KCNQ5: variants seen among roughly 807,000 people sequenced by gnomAD.
The protein encoded by KCNQ5 is potassium voltage-gated channel subfamily KQT member 5.
A neutral mutation model predicts 98.2 loss-of-function variants in KCNQ5; 30 were observed. The ratio of observed to expected loss-of-function variants is 0.31; its 90% CI spans 0.23 to 0.41. The LOEUF is 0.41. Ranked by LOEUF, KCNQ5 falls within the 10% of genes least tolerant of loss-of-function variation. The probability of loss-of-function intolerance (pLI) is 1.00; values close to 1 mark genes in which losing one functional copy is unlikely to be tolerated. For synonymous variants in KCNQ5, 458 were observed against 449.4 expected, an observed-to-expected ratio of 1.02 and a Z score of -0.24; for missense variants, 835 against 1,182.5, an observed-to-expected ratio of 0.71 and a Z score of 4.31.
intron 1 of KCNQ5, among the ~76,000 whole-genome samples, chr6:72,874,591 CT>C (rs1402871586): frequency 1.3e-5 from 2 of 152,070 alleles, no homozygotes. Flanking sequence ...GCCAAAAGGC[CT>C]TTTGTCAAAT....
chr6:72,655,026 G>C lies in KCNQ5; in HGVS notation c.398+32439G>C, dbSNP rs9446728. ...CATGTTTAATAGCCAAGGTCTGTCT[G>C]TCTTTCTTTCTTTCTTTCTTTCTTT... On this transcript the variant is annotated intron_variant, in intron 1 of 13. Transcript: ENST00000370398. Among the ~76,000 whole-genome samples, 617 of 105,886 alleles carry C rather than the reference G, an allele frequency of 5.8e-3. 4 individuals carry two copies. The highest frequency in any genetic ancestry group is 0.014 in the Middle Eastern group (3 of 210). 69.5% of individuals were successfully genotyped at this position (105,886 alleles called of 152,430 possible).
chr6:72,757,637 A>G (rs1466648508), intron 1 of KCNQ5, among the ~76,000 whole-genome samples: 3 of 152,150 alleles, frequency 2.0e-5, no homozygotes, highest in Non-Finnish European at 4.4e-5. Flanking sequence ...TACTTGAAGT[A>G]TGGTTTCTAC....
intron 1 of KCNQ5, among the ~76,000 whole-genome samples, chr6:72,745,430 C>A (rs969117962): frequency 2.6e-5 from 4 of 152,204 alleles, no homozygotes; most frequent in African/African-American, 7.2e-5. Flanking sequence ...CACATCCAAT[C>A]ATTCAGGATT....
chr6:72,979,203 T>G (rs574698910), intron 1 of KCNQ5, among the ~76,000 whole-genome samples: 2 of 152,228 alleles, frequency 1.3e-5, no homozygotes, highest in African/African-American at 2.4e-5. Context: ...GTAATGGGAA[T>G]GCTGGGTGAA....
chr6:73,188,322 A>T lies in KCNQ5; in HGVS notation c.1578-2251A>T, dbSNP rs1240279337. Among the ~76,000 whole-genome samples the T allele has an allele frequency of 3.3e-5, 5 of 152,384 alleles. No homozygotes were observed. In the East Asian group the frequency reaches 7.7e-4, roughly 23 times the overall value. ...GGAATATCTTATCAAGTGCTATTGA[A>T]GACATACAAAGTACTTCACATAACA... On this transcript the variant is annotated intron_variant, in intron 11 of 13. Coordinates refer to ENST00000370398, the MANE Select transcript of KCNQ5 (RefSeq NM_019842.4).
At chr6:72,752,773 C>A (rs1771751350) in intron 1 of KCNQ5, among the ~76,000 whole-genome samples, 3 of 152,028 alleles carry the variant, frequency 2.0e-5, no homozygotes, top group Non-Finnish European at 4.4e-5. Flanking sequence ...TCCTAATAAC[C>A]TATCATATTG....
intron 1 of KCNQ5, among the ~76,000 whole-genome samples, chr6:72,998,802 A>G (rs1389418386): frequency 6.6e-6 from 1 of 151,332 alleles, no homozygotes. Context: ...ACTAACTTAC[A>G]TGGGCCATTA....
At chr6:72,637,759 A>G (rs2098925021) in intron 1 of KCNQ5, among the ~76,000 whole-genome samples, 1 of 152,214 alleles carries the variant, frequency 6.6e-6, no homozygotes, top group Admixed American at 6.5e-5. Flanking sequence ...ATTGATTGGC[A>G]ATCCAAATGA....
chr6:73,112,578 C>CTCCA (rs1775295617), intron 7 of KCNQ5, among the ~76,000 whole-genome samples: 1 of 152,168 alleles, frequency 6.6e-6, no homozygotes, highest in Admixed American at 6.5e-5. Flanking sequence ...ATCTCTCAAC[C>CTCCA]TCGTGATCCG....
At chr6:72,661,874 T>G (rs993697664) in intron 1 of KCNQ5, among the ~76,000 whole-genome samples, 2 of 152,182 alleles carry the variant, frequency 1.3e-5, no homozygotes, top group African/African-American at 4.8e-5. Context: ...AGAATAAGCT[T>G]CTTTAAATGA....
At chr6:73,116,872 T>C (rs1351121131) in intron 7 of KCNQ5, among the ~76,000 whole-genome samples, 2 of 152,216 alleles carry the variant, frequency 1.3e-5, no homozygotes, top group Non-Finnish European at 2.9e-5. Flanking sequence ...GTGTTCATTA[T>C]TCCTTTGGAT....
chr6:72,799,255 G>C (rs1774506829), intron 1 of KCNQ5, among the ~76,000 whole-genome samples: 1 of 152,090 alleles, frequency 6.6e-6, no homozygotes, highest in South Asian at 2.1e-4. Flanking sequence ...AGGAACTCTT[G>C]GTTTTGCTCT....
At chr6:73,154,179 A>G (rs938171977) in intron 10 of KCNQ5, among the ~76,000 whole-genome samples, 68 of 152,218 alleles carry the variant, frequency 4.5e-4, no homozygotes, top group Middle Eastern at 3.4e-3. Context: ...GATGCATCAA[A>G]ATTGTTATTA....
intron 1 of KCNQ5, among the ~76,000 whole-genome samples, chr6:72,808,236 A>G (rs1775050702): frequency 6.6e-6 from 1 of 152,216 alleles, no homozygotes; most frequent in Non-Finnish European, 1.5e-5. Flanking sequence ...TACGATTTTG[A>G]ATATTTTGCA....
intron 1 of KCNQ5, among the ~76,000 whole-genome samples, chr6:72,953,530 C>A (rs1266105342): frequency 6.6e-6 from 1 of 152,146 alleles, no homozygotes; most frequent in Non-Finnish European, 1.5e-5. Flanking sequence ...TCATACTAAC[C>A]TGTAACCTCT....
rs183831395 is a variant in KCNQ5, at chr6:72,878,363, C to A, written c.399-125545C>A. 4.0e-3 allele frequency among the ~76,000 whole-genome samples: 611 copies of A among 152,270 alleles called. 2 individuals are homozygous for A. The highest frequency in any genetic ancestry group is 6.0e-3 in the Non-Finnish European group (410 of 68,030). The stretch of plus-strand genomic sequence containing the variant: ...CTTGTGTAACATTATGAACTCACGA[C>A]CTTTGACAGGATTATCATTTTCTTT... On this transcript the variant is annotated intron_variant, in intron 1 of 13. Transcript: ENST00000370398.
intron 1 of KCNQ5, among the ~76,000 whole-genome samples, chr6:72,700,684 C>T (rs113249126): frequency 1.3e-4 from 20 of 152,306 alleles, no homozygotes; most frequent in African/African-American, 4.3e-4. Flanking sequence ...CCGCCATGAT[C>T]TTATATGCTT....
intron 1 of KCNQ5, among the ~76,000 whole-genome samples, chr6:72,808,138 G>C (rs183324542): frequency 6.6e-6 from 1 of 152,110 alleles, no homozygotes; most frequent in Admixed American, 6.5e-5. Context: ...AGTCAATGGC[G>C]GCCTTATCTG....
intron 1 of KCNQ5, among the ~76,000 whole-genome samples, chr6:72,978,147 T>C (rs1171812922): frequency 6.6e-6 from 1 of 152,218 alleles, no homozygotes; most frequent in Non-Finnish European, 1.5e-5. Flanking sequence ...AAATATCAAA[T>C]AAATGCTCTC....
Sources: allele counts gnomAD v4.1 joint callset (sites outside exome capture counted in the v4.1 genomes callset), GRCh38; gene constraint gnomAD v4.1.1; transcripts MANE v1.5; gene names NCBI Gene and HGNC (gene_info 2026-07-23, HGNC 2026-07-21).